Variants in RNFT2 observed in about 807,000 individuals in gnomAD.
RNFT2 encodes the protein E3 ubiquitin-protein ligase RNFT2.
In RNFT2, 36 loss-of-function variants were observed where a neutral mutation model predicts 53.0. The ratio of observed to expected loss-of-function variants is 0.68; its 90% CI spans 0.52 to 0.90. The LOEUF (loss-of-function observed/expected upper bound fraction) is 0.90. Among genes scored for constraint, RNFT2 ranks in the 40% least tolerant of loss-of-function variants. The pLI is 0.00. For synonymous variants in RNFT2, 260 were observed against 253.2 expected, an observed-to-expected ratio of 1.03 and a Z score of -0.26; for missense variants, 514 against 585.6, an observed-to-expected ratio of 0.88 and a Z score of 1.26.
chr12:116,843,319 C>T (rs1351702635), intron 10 of RNFT2, among the ~76,000 whole-genome samples: 2 of 151,682 alleles, frequency 1.3e-5, no homozygotes, highest in South Asian at 2.1e-4. Context: ...ATAGCAAGAC[C>T]CCAACTCTAC....
At chr12:116,750,826 TATA>T (rs374635345) in intron 4 of RNFT2, among the ~76,000 whole-genome samples, 72,530 of 94,074 alleles carry the variant, frequency 0.77, 26,303 homozygotes, top group Admixed American at 0.82. Flanking sequence ...ATATTATATA[TATA>T]ATATATATAT....
intron 10 of RNFT2, among the ~76,000 whole-genome samples, chr12:116,839,413 ATGGGTGGG>A (rs776226531): frequency 1.4e-5 from 1 of 69,578 alleles, no homozygotes; most frequent in African/African-American, 4.9e-5. Flanking sequence ...GATGGATGGG[ATGGGTGGG>A]TGGGTGGATG....
chr12:116,848,101 G>A (rs1419608329), intron 10 of RNFT2, among the ~76,000 whole-genome samples: 2 of 152,068 alleles, frequency 1.3e-5, no homozygotes, highest in African/African-American at 4.8e-5. Flanking sequence ...GTGGTGTTTG[G>A]TTTTCTGTTC....
At chr12:116,752,132 T>C (rs1036127092) in intron 4 of RNFT2, among the ~76,000 whole-genome samples, 1 of 151,934 alleles carries the variant, frequency 6.6e-6, no homozygotes, top group African/African-American at 2.4e-5. Context: ...GGAGGATTGC[T>C]TGAGGCTGGG....
intron 2 of RNFT2, 39 bp downstream of exon 2, chr12:116,740,560 C>T (rs1871558606): frequency 1.9e-6 from 3 of 1,547,282 alleles, no homozygotes; most frequent in Admixed American, 1.9e-5. Context: ...TTTATTACTA[C>T]TTGATTAAAT....
At chr12:116,799,015 A>G (rs751804486) in intron 7 of RNFT2, among the ~76,000 whole-genome samples, 3 of 151,276 alleles carry the variant, frequency 2.0e-5, no homozygotes, top group Admixed American at 6.6e-5. Flanking sequence ...GTTTTCTACA[A>G]AGGGTCTCAC....
At chr12:116,834,850 C>CTTTTTT (rs140178133) in intron 8 of RNFT2, among the ~76,000 whole-genome samples, 1 of 136,686 alleles carries the variant, frequency 7.3e-6, no homozygotes, top group Non-Finnish European at 1.6e-5. Context: ...ATTATTACTC[C>CTTTTTT]TTTTTTTTTT....
At chr12:116,750,707 G>C (rs1184637606) in intron 4 of RNFT2, among the ~76,000 whole-genome samples, 1 of 148,694 alleles carries the variant, frequency 6.7e-6, no homozygotes, top group Non-Finnish European at 1.5e-5. Flanking sequence ...ATCAAGTGGG[G>C]GTATGATTTT....
chr12:116,847,860 A>C (rs1877699827), intron 10 of RNFT2, among the ~76,000 whole-genome samples: 1 of 152,168 alleles, frequency 6.6e-6, no homozygotes, highest in Non-Finnish European at 1.5e-5. Context: ...ATTTAATTTT[A>C]AGTTCCAGGA....
chr12:116,826,529 A>G (rs1417080702), intron 7 of RNFT2, among the ~76,000 whole-genome samples: 1 of 152,098 alleles, frequency 6.6e-6, no homozygotes, highest in Non-Finnish European at 1.5e-5. Context: ...TTAGGGAGAG[A>G]TGGTTTTGCT....
intron 5 of RNFT2, among the ~76,000 whole-genome samples, chr12:116,763,541 G>T (rs1872774650): frequency 6.6e-6 from 1 of 151,884 alleles, no homozygotes; most frequent in Non-Finnish European, 1.5e-5. Flanking sequence ...GGCTGAGGTG[G>T]GTGGATCACA....
chr12:116,751,760 GTTT>G (rs1452434207), intron 4 of RNFT2, among the ~76,000 whole-genome samples: 1 of 150,972 alleles, frequency 6.6e-6, no homozygotes, highest in Non-Finnish European at 1.5e-5. Flanking sequence ...GTTTGTTTTT[GTTT>G]TTGTTTTTGT....
intron 7 of RNFT2, among the ~76,000 whole-genome samples, chr12:116,807,145 A>T (rs1272422451): frequency 6.6e-6 from 1 of 152,128 alleles, no homozygotes; most frequent in Non-Finnish European, 1.5e-5. Flanking sequence ...GAAGGGGAGA[A>T]GGAATATCGG....
chr12:116,740,211 G>T (rs1020523907), intron 1 of RNFT2, 134 bp from the exon 2 acceptor site: 2 of 314,890 alleles, frequency 6.4e-6, no homozygotes, highest in Admixed American at 4.2e-5. Flanking sequence ...TTCAAGGGGG[G>T]ATCACTGAGA....
intron 7 of RNFT2, among the ~76,000 whole-genome samples, chr12:116,789,315 G>GTGGA (rs1175062698): frequency 6.7e-6 from 1 of 148,212 alleles, no homozygotes; most frequent in Non-Finnish European, 1.5e-5. Flanking sequence ...TGGGAGGAGA[G>GTGGA]TGGATGGATG....
At chr12:116,759,099 G>T (rs1163390458) in intron 5 of RNFT2, among the ~76,000 whole-genome samples, 1 of 152,030 alleles carries the variant, frequency 6.6e-6, no homozygotes, top group Non-Finnish European at 1.5e-5. Flanking sequence ...TTAATTCAAA[G>T]ACCTTGTCTT....
At chr12:116,784,118 G>A (rs990723965) in intron 7 of RNFT2, among the ~76,000 whole-genome samples, 1 of 152,336 alleles carries the variant, frequency 6.6e-6, no homozygotes, top group South Asian at 2.1e-4. Flanking sequence ...CTGAGTCTGA[G>A]CTCTTAATCT....
chr12:116,753,357 G>A (rs1160195157), intron 4 of RNFT2, among the ~76,000 whole-genome samples: 2 of 151,844 alleles, frequency 1.3e-5, no homozygotes, highest in African/African-American at 4.8e-5. Context: ...CACCATGTTG[G>A]CCAGGCTGGT....
chr12:116,805,955 A>T (rs1009962432), intron 7 of RNFT2, among the ~76,000 whole-genome samples: 2 of 152,222 alleles, frequency 1.3e-5, no homozygotes, highest in Non-Finnish European at 2.9e-5. Flanking sequence ...CAAAACCCAG[A>T]TCAGTGTTTG....
Sources: allele counts gnomAD v4.1 joint callset (sites outside exome capture counted in the v4.1 genomes callset), GRCh38; gene constraint gnomAD v4.1.1; transcripts MANE v1.5; gene names NCBI Gene and HGNC (gene_info 2026-07-23, HGNC 2026-07-21).